Variants in TPST2 observed in about 807,000 individuals in gnomAD.
TPST2 encodes the protein protein-tyrosine sulfotransferase 2.
TPST2 carries 16 observed loss-of-function variants against 27.8 expected under a neutral mutation model. The ratio of observed to expected loss-of-function variants is 0.58; its 90% confidence interval spans 0.39 to 0.88. The LOEUF (loss-of-function observed/expected upper bound fraction) is 0.88. Ranked by LOEUF, TPST2 falls within the 40% of genes least tolerant of loss-of-function variation. The pLI is 0.00. For synonymous variants in TPST2, 229 were observed against 231.7 expected, an observed-to-expected ratio of 0.99 and a Z score of 0.10; for missense variants, 464 against 543.1, an observed-to-expected ratio of 0.85 and a Z score of 1.45.
chr22:26,563,837 C>G (rs1390473634), intron 1 of TPST2, among the ~76,000 whole-genome samples: 1 of 152,220 alleles, frequency 6.6e-6, no homozygotes, highest in East Asian at 1.9e-4. Context: ...ACCTGGGAGG[C>G]TGCTAGTCCC....
At chr22:26,569,784 T>C (rs2147229541) in intron 1 of TPST2, among the ~76,000 whole-genome samples, 1 of 151,744 alleles carries the variant, frequency 6.6e-6, no homozygotes, top group Middle Eastern at 3.4e-3. Flanking sequence ...ACCCTGTTTC[T>C]ACTAAAAAAT....
At chr22:26,569,971 A>G (rs1448033520) in intron 1 of TPST2, among the ~76,000 whole-genome samples, 1 of 15,658 alleles carries the variant, frequency 6.4e-5, no homozygotes, top group Non-Finnish European at 8.9e-5. Flanking sequence ...AAAAAAAGGA[A>G]GAAAGAAAGA....
intron 1 of TPST2, among the ~76,000 whole-genome samples, chr22:26,556,400 C>A (rs1425573247): frequency 6.6e-6 from 1 of 152,044 alleles, no homozygotes. Context: ...ATTAGCCAGG[C>A]GTGGTGGCAG....
chr22:26,538,264 C>T (rs1046973809), intron 3 of TPST2, among the ~76,000 whole-genome samples: 3 of 152,204 alleles, frequency 2.0e-5, no homozygotes, highest in East Asian at 3.8e-4. Context: ...GGGTAGAACA[C>T]AGATTCAGAG....
At chr22:26,533,672 A>AT (rs1381017311) in intron 4 of TPST2, among the ~76,000 whole-genome samples, 9 of 150,452 alleles carry the variant, frequency 6.0e-5, no homozygotes, top group African/African-American at 2.0e-4. Context: ...TGATATAGCT[A>AT]ATTTTTTTTT....
intron 1 of TPST2, chr22:26,565,675 G>A (rs1279301466): frequency 6.6e-6 from 1 of 152,184 alleles, no homozygotes; most frequent in Non-Finnish European, 1.5e-5. Flanking sequence ...GAAATGCAGT[G>A]TGAGACACAC....
intron 1 of TPST2, among the ~76,000 whole-genome samples, chr22:26,581,229 A>T (rs150848951): frequency 5.8e-4 from 89 of 152,274 alleles, no homozygotes; most frequent in African/African-American, 2.1e-3. Flanking sequence ...TCCTCCAGGA[A>T]GTCTTCCCTG....
chr22:26,554,759 G>A (rs1480579047), intron 1 of TPST2, among the ~76,000 whole-genome samples: 1 of 152,204 alleles, frequency 6.6e-6, no homozygotes, highest in Non-Finnish European at 1.5e-5. Flanking sequence ...CCAACATGGT[G>A]AAACCCCGTC....
In TPST2 at chr22:26,541,619, C is replaced by T. The variant is rs748302047; in HGVS notation, c.12G>A (p.Ser4=). The T allele has an allele frequency of 9.6e-5, 152 of 1,579,438 alleles. No individual in the cohort carries two copies. In the East Asian group the frequency reaches 3.2e-3, roughly 34 times the overall value. MRL[S]VRRVLLAAGC... ...CGGCTGCCAGCAGCACCCTCCGCAC[C>T]GACAGGCGCATGCTGGGCCGGAGGC... Residue 4 remains serine, a synonymous_variant, in exon 3 of 7, where the codon TCG becomes TCA. Transcript: ENST00000338754. The surrounding 1 kb of genome is among the most constrained non-coding windows in gnomAD (Gnocchi z 5.9).
At chr22:26,583,772 G>A (rs574957805) in intron 1 of TPST2, among the ~76,000 whole-genome samples, 10 of 151,942 alleles carry the variant, frequency 6.6e-5, no homozygotes, top group South Asian at 2.1e-4. Flanking sequence ...CCCAGGAGAC[G>A]GAGGTTGCAA....
chr22:26,562,808 A>G (rs1927181073), intron 1 of TPST2, among the ~76,000 whole-genome samples: 1 of 152,112 alleles, frequency 6.6e-6, no homozygotes, highest in South Asian at 2.1e-4. Context: ...CTTTTAGTAC[A>G]GACAAGGTTT....
intron 1 of TPST2, among the ~76,000 whole-genome samples, chr22:26,546,905 G>A (rs1926154352): frequency 6.6e-6 from 1 of 152,156 alleles, no homozygotes; most frequent in East Asian, 1.9e-4. Context: ...GAGAGAGGAG[G>A]AGGAGCAATG....
At chr22:26,555,382 C>CCTG in intron 1 of TPST2, 1 of 397,954 alleles carries the variant, frequency 2.5e-6, no homozygotes, top group Admixed American at 3.0e-5. Flanking sequence ...GAGTGTAGAC[C>CCTG]TAAAGTTGGA....
intron 1 of TPST2, chr22:26,555,222 C>A (rs368755594): frequency 7.5e-6 from 4 of 533,470 alleles, no homozygotes; most frequent in South Asian, 4.2e-5. Flanking sequence ...CTGAACTCAG[C>A]GTTCTAGTAG....
intron 1 of TPST2, among the ~76,000 whole-genome samples, chr22:26,558,941 C>T (rs1474639921): frequency 2.6e-5 from 4 of 152,234 alleles, no homozygotes; most frequent in African/African-American, 7.2e-5. Context: ...AGAAAAAAAT[C>T]AGTAATACTG....
intron 1 of TPST2, among the ~76,000 whole-genome samples, chr22:26,583,191 T>C (rs2145940311): frequency 6.6e-6 from 1 of 151,106 alleles, no homozygotes; most frequent in Middle Eastern, 3.5e-3. Context: ...TCCCAGTACT[T>C]TGGGAGGCTG....
At chr22:26,547,852 C>T (rs1156955103) in intron 1 of TPST2, among the ~76,000 whole-genome samples, 1 of 152,172 alleles carries the variant, frequency 6.6e-6, no homozygotes, top group African/African-American at 2.4e-5. Flanking sequence ...AGGGGTGGTA[C>T]TCGGGTGGTA....
At chr22:26,561,057 G>A in intron 1 of TPST2, 2 of 1,587,968 alleles carry the variant, frequency 1.3e-6, no homozygotes, top group Non-Finnish European at 1.7e-6. Context: ...AGTTGTCAAG[G>A]CTGAAAAAAG....
At chr22:26,548,644 A>G (rs1387185111) in intron 1 of TPST2, among the ~76,000 whole-genome samples, 1 of 152,060 alleles carries the variant, frequency 6.6e-6, no homozygotes, top group Non-Finnish European at 1.5e-5. Flanking sequence ...TGAACTGATT[A>G]GTATGATGCA....
Sources: allele counts gnomAD v4.1 joint callset (sites outside exome capture counted in the v4.1 genomes callset), GRCh38; gene constraint gnomAD v4.1.1; non-coding constraint Gnocchi (gnomAD v3.1); transcripts MANE v1.5; gene names NCBI Gene and HGNC (gene_info 2026-07-23, HGNC 2026-07-21).